The following MACROD2 variants were observed in gnomAD, a reference collection of about 807,000 sequenced individuals.
The protein encoded by MACROD2 is ADP-ribose glycohydrolase MACROD2.
In MACROD2, 36 loss-of-function variants were observed where a neutral mutation model predicts 70.4. The ratio of observed to expected loss-of-function variants is 0.51; its 90% CI spans 0.39 to 0.68. The LOEUF (loss-of-function observed/expected upper bound fraction) is 0.68. Among genes scored for constraint, MACROD2 ranks in the 30% least tolerant of loss-of-function variants. MACROD2 has a pLI of 0.00. For missense variants in MACROD2, 496 were observed against 538.4 expected (o/e 0.92, Z 0.78); for synonymous variants, 172 against 178.8 (o/e 0.96, Z 0.30).
At chr20:14,780,338 G>A (rs1455433598) in intron 5 of MACROD2, among the ~76,000 whole-genome samples, 6 of 152,018 alleles carry the variant, frequency 3.9e-5, no homozygotes, top group Admixed American at 2.0e-4. Context: ...CGAGGCAGGC[G>A]GATCACCTGA....
At chr20:15,990,761 C>T (rs1390618413) in intron 15 of MACROD2, among the ~76,000 whole-genome samples, 1 of 152,182 alleles carries the variant, frequency 6.6e-6, no homozygotes, top group Non-Finnish European at 1.5e-5. Flanking sequence ...ACATAGTGTA[C>T]AGACAGCCAT....
intron 8 of MACROD2, among the ~76,000 whole-genome samples, chr20:15,641,714 A>C (rs2146775448): frequency 6.6e-6 from 1 of 152,326 alleles, no homozygotes; most frequent in South Asian, 2.1e-4. Flanking sequence ...AATTCCAGTG[A>C]GTAAATTATT....
chr20:14,610,292 G>T (rs1015334614), intron 4 of MACROD2, among the ~76,000 whole-genome samples: 2 of 152,180 alleles, frequency 1.3e-5, no homozygotes, highest in East Asian at 3.9e-4. Context: ...TTGACCTTCT[G>T]TAATGTGTTG....
chr20:15,393,243 A>G (rs188485624), intron 6 of MACROD2, among the ~76,000 whole-genome samples: 400 of 152,242 alleles, frequency 2.6e-3, no homozygotes, highest in African/African-American at 8.3e-3. Context: ...ATCATCTTCC[A>G]TTATTTCATG....
chr20:15,911,263 C>G (rs2065232684), intron 10 of MACROD2, among the ~76,000 whole-genome samples: 2 of 152,052 alleles, frequency 1.3e-5, no homozygotes, highest in South Asian at 4.2e-4. Flanking sequence ...GAGTGGTTCC[C>G]CAGAGGAAAA....
chr20:14,102,071 T>C (rs1308662162), intron 3 of MACROD2, among the ~76,000 whole-genome samples: 2 of 135,914 alleles, frequency 1.5e-5, no homozygotes, highest in African/African-American at 5.4e-5. Flanking sequence ...TGGCATGATC[T>C]CGGCTCACTG....
rs574991199 is a variant in MACROD2 at position 15,069,122 on chromosome 20, C to T, written c.419-160818C>T. Among the ~76,000 whole-genome samples, 98 of 152,228 alleles carry T rather than the reference C, an allele frequency of 6.4e-4. 4 individuals carry two copies. In the South Asian group the frequency reaches 0.019, roughly 29 times the overall value. ...AAAGGGCTTGGCTGCATTGCATCCA[C>T]GTCTGAGGCCTCTGTGGAAGGTGAA... On this transcript the variant is annotated intron_variant, in intron 5 of 17. Coordinates refer to ENST00000684519, the MANE Select transcript of MACROD2 (RefSeq NM_001351661.2).
intron 6 of MACROD2, among the ~76,000 whole-genome samples, chr20:15,279,671 A>G (rs1036165760): frequency 6.6e-6 from 1 of 152,198 alleles, no homozygotes; most frequent in African/African-American, 2.4e-5. Context: ...ACCTTCTTAT[A>G]TTGGGGTAGT....
intron 4 of MACROD2, among the ~76,000 whole-genome samples, chr20:14,680,567 T>C (rs1227407640): frequency 6.6e-6 from 1 of 152,194 alleles, no homozygotes; most frequent in Non-Finnish European, 1.5e-5. Flanking sequence ...AATAGAATCT[T>C]CTAAGATAAT....
At chr20:15,475,936 C>A (rs1363699550) in intron 7 of MACROD2, among the ~76,000 whole-genome samples, 1 of 152,164 alleles carries the variant, frequency 6.6e-6, no homozygotes, top group East Asian at 1.9e-4. Context: ...AAATGTTCTT[C>A]GTTGCGTTCT....
At chr20:15,585,321 T>C (rs933213526) in intron 8 of MACROD2, among the ~76,000 whole-genome samples, 1 of 151,880 alleles carries the variant, frequency 6.6e-6, no homozygotes, top group African/African-American at 2.4e-5. Context: ...CTCAGCCTCC[T>C]GAGTAGCTGG....
intron 4 of MACROD2, among the ~76,000 whole-genome samples, chr20:14,616,915 A>T (rs1983517051): frequency 6.6e-6 from 1 of 152,138 alleles, no homozygotes; most frequent in Admixed American, 6.6e-5. Context: ...ACTGTGTACA[A>T]TCTCTCTTTT....
rs1370766082 is a variant in MACROD2, at chr20:15,949,796, A to G, written c.907+12252A>G. Among the ~76,000 whole-genome samples, 3 of 152,284 alleles carry G rather than the reference A, an allele frequency of 2.0e-5. No homozygotes were observed. The East Asian group carries it at 5.8e-4, about 29-fold the overall frequency. On this transcript the variant is annotated intron_variant, in intron 12 of 17. Coordinates refer to ENST00000684519, the MANE Select transcript of MACROD2 (RefSeq NM_001351661.2). The stretch of plus-strand genomic sequence containing the variant: ...ATCATAGATCTTCAAAACCAGCACA[A>G]TTTTTAGAGTGATTCGCACTCTACT...
At chr20:14,855,651 T>C (rs569415683) in intron 5 of MACROD2, among the ~76,000 whole-genome samples, 1 of 147,208 alleles carries the variant, frequency 6.8e-6, no homozygotes, top group South Asian at 2.3e-4. Context: ...TCAATTCTTA[T>C]CTCTTGGTTT....
intron 5 of MACROD2, among the ~76,000 whole-genome samples, chr20:14,906,819 G>C (rs1289008535): frequency 6.6e-6 from 1 of 152,102 alleles, no homozygotes; most frequent in Non-Finnish European, 1.5e-5. Context: ...AAAGCTTTCA[G>C]CCTCTCTTGT....
chr20:15,623,771 G>A (rs76916699), intron 8 of MACROD2, among the ~76,000 whole-genome samples: 4,522 of 151,470 alleles, frequency 0.03, 223 homozygotes, highest in African/African-American at 0.1. Flanking sequence ...ATCTATCTAT[G>A]TGTCTATCTA....
chr20:14,145,774 G>A (rs1290794703), intron 3 of MACROD2, among the ~76,000 whole-genome samples: 1 of 152,126 alleles, frequency 6.6e-6, no homozygotes, highest in Non-Finnish European at 1.5e-5. Flanking sequence ...AATCCTCATG[G>A]AGAGTTTGAG....
intron 3 of MACROD2, among the ~76,000 whole-genome samples, chr20:14,230,248 G>A (rs2081789326): frequency 6.6e-6 from 1 of 152,118 alleles, no homozygotes; most frequent in African/African-American, 2.4e-5. Context: ...ACGGGATGCT[G>A]TTTGATAGCA....
intron 4 of MACROD2, among the ~76,000 whole-genome samples, chr20:14,552,567 G>A (rs1341306142): frequency 1.3e-5 from 2 of 151,734 alleles, no homozygotes; most frequent in East Asian, 3.9e-4. Flanking sequence ...GAAAAAAACA[G>A]ATCATTAGGC....
Sources: gnomAD v4.1 joint callset for allele counts (sites outside exome capture counted in the v4.1 genomes callset) on GRCh38, gnomAD v4.1.1 for gene constraint, MANE v1.5 for transcripts, NCBI Gene and HGNC (gene_info 2026-07-23, HGNC 2026-07-21) for gene names.